LDB2: variants seen among roughly 807,000 people sequenced by gnomAD.
LDB2 encodes LIM domain binding 2.
In LDB2, 12 loss-of-function variants were observed where a neutral mutation model predicts 44.3. The observed-to-expected ratio is 0.27, with a 90% CI of 0.17 to 0.44. The LOEUF is 0.44. LDB2 is among the 20% of genes least tolerant of loss of function. The pLI, the probability that LDB2 is intolerant of heterozygous loss-of-function variation, is 1.00. For missense variants in LDB2, 344 were observed against 473.5 expected, an observed-to-expected ratio of 0.73 and a Z score of 2.54; for synonymous variants, 164 against 174.8, an observed-to-expected ratio of 0.94 and a Z score of 0.49.
intron 1 of LDB2, among the ~76,000 whole-genome samples, chr4:16,803,930 A>G (rs1355417124): frequency 6.6e-6 from 1 of 152,268 alleles, no homozygotes; most frequent in Non-Finnish European, 1.5e-5. Flanking sequence ...GGTTTTGAGA[A>G]TAATGGGCCT....
At chr4:16,837,387 G>T (rs556197252) in intron 1 of LDB2, among the ~76,000 whole-genome samples, 149 of 152,192 alleles carry the variant, frequency 9.8e-4, no homozygotes, top group Non-Finnish European at 1.8e-3. Context: ...TTTAGGTCAG[G>T]GTCAGTGGTT....
At chr4:16,690,004 G>C (rs538844356) in intron 2 of LDB2, among the ~76,000 whole-genome samples, 37 of 152,196 alleles carry the variant, frequency 2.4e-4, no homozygotes, top group Admixed American at 2.0e-3. Flanking sequence ...CTTCAGAAAG[G>C]GTCAACCCAA....
intron 2 of LDB2, among the ~76,000 whole-genome samples, chr4:16,725,614 A>ACTGGTC (rs1437910923): frequency 6.6e-6 from 1 of 152,092 alleles, no homozygotes; most frequent in Non-Finnish European, 1.5e-5. Context: ...AGAGGATGCC[A>ACTGGTC]AATACGTACC....
At chr4:16,700,501 T>A (rs1466651365) in intron 2 of LDB2, among the ~76,000 whole-genome samples, 2 of 152,240 alleles carry the variant, frequency 1.3e-5, no homozygotes, top group Non-Finnish European at 2.9e-5. Flanking sequence ...TCACTTGTTT[T>A]CTTGCTAAAA....
At chr4:16,655,701 C>T (rs1739585575) in intron 2 of LDB2, among the ~76,000 whole-genome samples, 1 of 152,080 alleles carries the variant, frequency 6.6e-6, no homozygotes. Flanking sequence ...GGTAGCCCCT[C>T]CTCGATGCCA....
chr4:16,769,774 G>A (rs1027720281), intron 1 of LDB2, among the ~76,000 whole-genome samples: 1 of 152,090 alleles, frequency 6.6e-6, no homozygotes, highest in African/African-American at 2.4e-5. Context: ...ATAGCAAATT[G>A]TGTGTTTTGA....
chr4:16,719,623 T>C (rs888087599), intron 2 of LDB2, among the ~76,000 whole-genome samples: 3 of 152,078 alleles, frequency 2.0e-5, no homozygotes, highest in Admixed American at 6.6e-5. Context: ...GGTTGAAATA[T>C]GTCCCCGAAA....
chr4:16,736,014 T>A (rs1188128908), intron 2 of LDB2, among the ~76,000 whole-genome samples: 1 of 152,156 alleles, frequency 6.6e-6, no homozygotes, highest in Non-Finnish European at 1.5e-5. Context: ...GACCTATAGA[T>A]GCCACAGTGT....
intron 3 of LDB2, among the ~76,000 whole-genome samples, chr4:16,592,501 T>TACAC (rs1331692476): frequency 1.5e-5 from 2 of 133,378 alleles, no homozygotes; most frequent in African/African-American, 2.9e-5. Flanking sequence ...TATATATATA[T>TACAC]ATATACACAC....
chr4:16,854,608 C>T (rs1580248744), intron 1 of LDB2, among the ~76,000 whole-genome samples: 2 of 150,876 alleles, frequency 1.3e-5, no homozygotes, highest in African/African-American at 4.9e-5. Context: ...CTTACCAATT[C>T]CCTTTCCCTA....
chr4:16,727,513 T>C (rs1232123868), intron 2 of LDB2, among the ~76,000 whole-genome samples: 2 of 152,188 alleles, frequency 1.3e-5, no homozygotes, highest in Non-Finnish European at 2.9e-5. Context: ...GGAATGCAGT[T>C]GAAACGCATC....
At chr4:16,879,580 T>C (rs1443629612) in intron 1 of LDB2, among the ~76,000 whole-genome samples, 1 of 152,194 alleles carries the variant, frequency 6.6e-6, no homozygotes, top group African/African-American at 2.4e-5. Flanking sequence ...TTTCAGTGCT[T>C]CTAGTTTCAG....
chr4:16,630,230 A>G (rs1731527362), intron 2 of LDB2, among the ~76,000 whole-genome samples: 1 of 152,240 alleles, frequency 6.6e-6, no homozygotes, highest in African/African-American at 2.4e-5. Context: ...ACAGACTAAC[A>G]GTGATGTCTC....
intron 2 of LDB2, among the ~76,000 whole-genome samples, chr4:16,683,850 T>C (rs897416401): frequency 1.3e-5 from 2 of 152,340 alleles, no homozygotes; most frequent in Non-Finnish European, 2.9e-5. Context: ...GACCCAGCTC[T>C]TCCTTCCTGT....
At chr4:16,592,431 GC>G (rs1719336988) in intron 3 of LDB2, among the ~76,000 whole-genome samples, 2 of 142,742 alleles carry the variant, frequency 1.4e-5, no homozygotes, top group Admixed American at 1.4e-4. Flanking sequence ...TAGTGGTACT[GC>G]ATATGTAAAC....
intron 5 of LDB2, among the ~76,000 whole-genome samples, chr4:16,579,715 T>G (rs1296408949): frequency 6.6e-6 from 1 of 152,208 alleles, no homozygotes; most frequent in Non-Finnish European, 1.5e-5. Flanking sequence ...TTTTTCTAGA[T>G]GCTGTAGGGC....
At chr4:16,567,963 A>G (rs1745139098) in intron 5 of LDB2, among the ~76,000 whole-genome samples, 1 of 152,166 alleles carries the variant, frequency 6.6e-6, no homozygotes, top group African/African-American at 2.4e-5. Flanking sequence ...TATAATACTG[A>G]TTAGGAATTG....
chr4:16,896,765 C>A (rs1725140640), intron 1 of LDB2, among the ~76,000 whole-genome samples: 1 of 152,144 alleles, frequency 6.6e-6, no homozygotes, highest in Admixed American at 6.5e-5. Flanking sequence ...ATTATGAAAG[C>A]AGCCTGTGTC....
intron 1 of LDB2, among the ~76,000 whole-genome samples, chr4:16,897,893 AAAATATATATATATATATAT>A (rs1441842348): frequency 1.5e-4 from 7 of 46,696 alleles, no homozygotes; most frequent in African/African-American, 4.6e-4. Context: ...TGTAAAAAAG[AAAATATATATATATATATAT>A]ATATATATAT....
Sources: gnomAD v4.1 joint callset for allele counts (sites outside exome capture counted in the v4.1 genomes callset) on GRCh38, gnomAD v4.1.1 for gene constraint, MANE v1.5 for transcripts, NCBI Gene and HGNC (gene_info 2026-07-23, HGNC 2026-07-21) for gene names.